ERBB4: variants seen among roughly 807,000 people sequenced by gnomAD.
ERBB4 encodes the protein erb-b2 receptor tyrosine kinase 4.
A neutral mutation model predicts 158.0 loss-of-function variants in ERBB4; 42 were observed. The observed-to-expected ratio is 0.27, with a 90% confidence interval of 0.21 to 0.34. ERBB4 has a LOEUF of 0.34. ERBB4 is among the 10% of genes least tolerant of loss of function. The pLI, the probability that ERBB4 is intolerant of heterozygous loss-of-function variation, is 1.00. For synonymous variants in ERBB4, 583 were observed against 558.7 expected, an observed-to-expected ratio of 1.04 and a Z score of -0.61; for missense variants, 1,333 against 1,624.1, an observed-to-expected ratio of 0.82 and a Z score of 3.08.
chr2:211,561,950 T>A lies in ERBB4; in HGVS notation c.2440A>T (p.Asn814Tyr). 6.2e-7 allele frequency: 1 copy of A among 1,614,184 alleles called. No individual in the cohort carries two copies. The highest frequency in any genetic ancestry group is 1.3e-5 in the African/African-American group (1 of 75,050). Residue 814 changes from asparagine to tyrosine, a missense_variant, in exon 20 of 28, where the codon AAC becomes TAC. Transcript: ENST00000342788. ...LLEYVHEHKD[N>Y]IGSQLLLNWC... is the part of the protein sequence containing the mutation. ...TTAAGCAGCAGTTGTGATCCAATGT[T>A]ATCCTTGTGCTCGTGGACATACTCC...
chr2:211,515,864 T>C (rs990217781), intron 20 of ERBB4, among the ~76,000 whole-genome samples: 1 of 144,286 alleles, frequency 6.9e-6, no homozygotes, highest in African/African-American at 2.6e-5. Flanking sequence ...TTTGAGGTAG[T>C]GACTGTTTAG....
At chr2:212,431,611 T>C (rs72933185) in intron 1 of ERBB4, among the ~76,000 whole-genome samples, 4,217 of 152,322 alleles carry the variant, frequency 0.028, 87 homozygotes, top group Middle Eastern at 0.12. Flanking sequence ...CTCAATGGCT[T>C]CTCCTATGTC....
In ERBB4 at chr2:212,322,104, G is replaced by C. The variant is rs922166462; in HGVS notation, c.83-197201C>G. 2.0e-5 allele frequency among the ~76,000 whole-genome samples: 3 copies of C among 150,304 alleles called. No homozygotes were observed. The East Asian group carries it at 5.9e-4, about 29-fold the overall frequency. On this transcript the variant is annotated intron_variant, in intron 1 of 27. Coordinates refer to ENST00000342788, the MANE Select transcript of ERBB4 (RefSeq NM_005235.3). ...TATATAACTCTGAACTTTGAAAATT[G>C]AGCCTCTATGCATGTATGTAAAATG...
intron 2 of ERBB4, among the ~76,000 whole-genome samples, chr2:211,956,329 G>T (rs1392075250): frequency 1.3e-5 from 2 of 152,164 alleles, no homozygotes; most frequent in South Asian, 2.1e-4. Context: ...GAAGTAAAAA[G>T]AAATTATTAG....
intron 3 of ERBB4, among the ~76,000 whole-genome samples, chr2:211,848,145 T>C (rs1398869108): frequency 6.6e-6 from 1 of 152,026 alleles, no homozygotes; most frequent in Non-Finnish European, 1.5e-5. Flanking sequence ...TTTTGAAGCA[T>C]ACAGTTTAAA....
At chr2:211,624,323 G>C (rs2069752910) in intron 17 of ERBB4, among the ~76,000 whole-genome samples, 1 of 152,034 alleles carries the variant, frequency 6.6e-6, no homozygotes. Context: ...TAGGCTACGA[G>C]ATTTGATGCA....
rs780595071 is a variant in ERBB4 at position 211,992,567 on chromosome 2, GA to G, written c.235-44952del. ...AGTGAGAGAGAGAGAGAGAGAGAGA[GA>G]AAAAAAAAAAAAACATGAGTTTGTC... On this transcript the variant is annotated intron_variant, in intron 2 of 27. Transcript: ENST00000342788. Among the ~76,000 whole-genome samples the G allele has an allele frequency of 1.4e-3, 180 of 125,218 alleles. 1 individual carries two copies. The highest frequency in any genetic ancestry group is 0.014 in the East Asian group (31 of 2,290). The allele number at this position is 125,218 out of a possible 152,430, so 82.1% of individuals were successfully genotyped here.
chr2:211,455,201 A>G (rs1209326146), intron 20 of ERBB4, among the ~76,000 whole-genome samples: 1 of 152,246 alleles, frequency 6.6e-6, no homozygotes, highest in East Asian at 1.9e-4. Flanking sequence ...GATGGCTTAC[A>G]TTTTTTGAGT....
At chr2:211,924,954 C>A (rs974314571) in intron 3 of ERBB4, among the ~76,000 whole-genome samples, 1 of 151,960 alleles carries the variant, frequency 6.6e-6, no homozygotes, top group Non-Finnish European at 1.5e-5. Flanking sequence ...TACTTTTTTT[C>A]CCCTTGGAAA....
chr2:212,181,623 A>C (rs2081868323), intron 1 of ERBB4, among the ~76,000 whole-genome samples: 2 of 151,820 alleles, frequency 1.3e-5, no homozygotes, highest in Non-Finnish European at 3.0e-5. Flanking sequence ...AATGCGTAGC[A>C]GTTATGCTTC....
intron 1 of ERBB4, among the ~76,000 whole-genome samples, chr2:212,238,613 T>C (rs2083967740): frequency 6.6e-6 from 1 of 152,180 alleles, no homozygotes; most frequent in South Asian, 2.1e-4. Flanking sequence ...ATATATTATA[T>C]TAAAACTAAA....
intron 2 of ERBB4, among the ~76,000 whole-genome samples, chr2:212,067,706 C>A (rs953019756): frequency 2.0e-5 from 3 of 151,980 alleles, no homozygotes; most frequent in Non-Finnish European, 2.9e-5. Context: ...CTTTTCTCAG[C>A]ATTGTCAGAA....
At chr2:211,627,318 G>A (rs1338714455) in intron 17 of ERBB4, among the ~76,000 whole-genome samples, 1 of 152,236 alleles carries the variant, frequency 6.6e-6, no homozygotes, top group Non-Finnish European at 1.5e-5. Flanking sequence ...ATTCACATGT[G>A]CAAGATTGAA....
chr2:211,876,210 A>T (rs1021059385), intron 3 of ERBB4, among the ~76,000 whole-genome samples: 1 of 152,168 alleles, frequency 6.6e-6, no homozygotes, highest in Admixed American at 6.5e-5. Flanking sequence ...TATTGTATAC[A>T]CTTAGAGAAT....
chr2:211,937,127 A>C (rs948753133), intron 3 of ERBB4, among the ~76,000 whole-genome samples: 2 of 152,162 alleles, frequency 1.3e-5, no homozygotes, highest in African/African-American at 4.8e-5. Context: ...GGTTCCTTGT[A>C]CAATCTTTTA....
At chr2:211,888,932 A>G (rs1412105630) in intron 3 of ERBB4, among the ~76,000 whole-genome samples, 1 of 151,510 alleles carries the variant, frequency 6.6e-6, no homozygotes, top group East Asian at 1.9e-4. Flanking sequence ...CTAGCACAGC[A>G]GTCTGAGATC....
rs546120833 is a variant in ERBB4, at chr2:212,280,238, A to T, written c.83-155335T>A. ...ATAGTAGTTGTTAGATATATAGGCA[A>T]TTTTTGCTAGTAGAACATATTCATT... On this transcript the variant is annotated intron_variant, in intron 1 of 27. Coordinates refer to ENST00000342788, the MANE Select transcript of ERBB4 (RefSeq NM_005235.3). Among the ~76,000 whole-genome samples, 5 of 151,744 alleles carry T rather than the reference A, an allele frequency of 3.3e-5. No individual in the cohort carries two copies. The South Asian group carries it at 1.0e-3, about 31-fold the overall frequency.
chr2:211,553,032 G>A (rs2067144344), intron 20 of ERBB4, among the ~76,000 whole-genome samples: 1 of 150,946 alleles, frequency 6.6e-6, no homozygotes. Flanking sequence ...GCAGTGGCAT[G>A]ATCTCGGCTC....
intron 1 of ERBB4, among the ~76,000 whole-genome samples, chr2:212,195,051 A>AT (rs2082383234): frequency 6.6e-6 from 1 of 152,012 alleles, no homozygotes; most frequent in Non-Finnish European, 1.5e-5. Flanking sequence ...AAAAACCACA[A>AT]CACATTAAAT....
Sources: gnomAD v4.1 joint callset for allele counts (sites outside exome capture counted in the v4.1 genomes callset) on GRCh38, gnomAD v4.1.1 for gene constraint, MANE v1.5 for transcripts, NCBI Gene and HGNC (gene_info 2026-07-23, HGNC 2026-07-21) for gene names.